ADAM17: variants seen among roughly 807,000 people sequenced by gnomAD.
ADAM17 encodes the protein ADAM metallopeptidase domain 17.
Under a neutral mutation model 96.7 loss-of-function variants are expected in ADAM17, and 39 were observed. The observed-to-expected ratio is 0.40, with a 90% CI of 0.31 to 0.53. ADAM17 has a LOEUF of 0.53. Ranked by LOEUF, ADAM17 falls within the 20% of genes least tolerant of loss-of-function variation. The pLI, the probability that ADAM17 is intolerant of heterozygous loss-of-function variation, is 0.44. For missense variants in ADAM17, 777 were observed against 1,013.2 expected (o/e 0.77, Z 3.17); for synonymous variants, 344 against 359.2 (o/e 0.96, Z 0.48).
Position 9,536,679 on chromosome 2 carries a change from C to T in ADAM17, c.361+19G>A. On this transcript the variant is annotated intron_variant, in intron 3 of 18. Transcript: ENST00000310823. ...TAATACACCAGACACAGGGGCAAAC[C>T]AACAAGCTCCATACTAACCAACCAC... The T allele has an allele frequency of 6.2e-7, 1 of 1,612,800 alleles. No homozygotes were observed. Among genetic ancestry groups the T allele is most frequent in the Non-Finnish European group, 8.5e-7 (1 of 1,179,464 alleles).
At chr2:9,490,553 T>TA (rs1662049691) in intron 18 of ADAM17, 35 bp from the exon 19 acceptor site, 2 of 1,575,424 alleles carry the variant, frequency 1.3e-6, no homozygotes, top group Middle Eastern at 1.9e-4. Context: ...TTGATAGGAA[T>TA]AAAAGATGAA....
intron 10 of ADAM17, among the ~76,000 whole-genome samples, chr2:9,516,583 T>A (rs1259439067): frequency 6.6e-6 from 1 of 151,962 alleles, no homozygotes; most frequent in African/African-American, 2.4e-5. Flanking sequence ...AAACCCTGTC[T>A]CTAAAACAAA....
rs544176196 is a variant in ADAM17, at chr2:9,531,178, G to A, written c.451-3224C>T. On this transcript the variant is annotated intron_variant, in intron 4 of 18. Transcript: ENST00000310823. The stretch of plus-strand genomic sequence containing the variant: ...TCACCATGTTGGCCAGGCTGGCCTC[G>A]AACTCCTGGCCTGAAGTGATCCACC... 1.2e-3 allele frequency among the ~76,000 whole-genome samples: 177 copies of A among 152,002 alleles called. 1 individual carries two copies. Among genetic ancestry groups the A allele is most frequent in the Admixed American group, 1.6e-3 (25 of 15,278 alleles).
chr2:9,518,015 A>C lies in ADAM17; in HGVS notation c.1103-26T>G, dbSNP rs201656510. The C allele has an allele frequency of 4.4e-6, 7 of 1,581,274 alleles. No individual in the cohort carries two copies. The East Asian group carries it at 1.6e-4, about 36-fold the overall frequency. ...CTAAAGTCAAAAGGAAACAGAGATA[A>C]ATTGCTTATTAAATACAGAATTATA... On this transcript the variant is annotated intron_variant, in intron 9 of 18. Coordinates refer to ENST00000310823, the MANE Select transcript of ADAM17 (RefSeq NM_003183.6).
chr2:9,523,183 A>G, intron 7 of ADAM17, 66 bp downstream of exon 7: 1 of 1,255,752 alleles, frequency 8.0e-7, no homozygotes, highest in Non-Finnish European at 1.1e-6. Flanking sequence ...TTAGGTTTTG[A>G]ATACAAGTGA....
intron 12 of ADAM17, among the ~76,000 whole-genome samples, chr2:9,504,156 G>T (rs540492239): frequency 6.6e-6 from 1 of 151,812 alleles, no homozygotes; most frequent in African/African-American, 2.4e-5. Context: ...GTCTCAAAAA[G>T]AAAATAAAGG....
At chr2:9,519,515 A>G (rs968663106) in intron 8 of ADAM17, among the ~76,000 whole-genome samples, 7 of 152,308 alleles carry the variant, frequency 4.6e-5, no homozygotes, top group Non-Finnish European at 8.8e-5. Context: ...ATGACTAATC[A>G]GACAAGTCAT....
chr2:9,506,400 C>G (rs888668956), intron 11 of ADAM17, among the ~76,000 whole-genome samples: 1 of 118,244 alleles, frequency 8.5e-6, no homozygotes. Flanking sequence ...TGGAGTCTTG[C>G]TCTGTCACCA....
rs149899785 is a variant in ADAM17, at chr2:9,536,765, C to A, written c.294G>T (p.Val98=). 4 of 1,613,946 alleles carry A rather than the reference C, an allele frequency of 2.5e-6. No individual in the cohort carries two copies. Among genetic ancestry groups the A allele is most frequent in the Non-Finnish European group, 3.4e-6 (4 of 1,179,982 alleles). ...ACTCGCTTTCGTTTTTACCATCCACCACCACGACCTTGAAATTTTGTGAAA... is the reference window on the plus strand; with the variant it reads ...ACTCGCTTTCGTTTTTACCATCCACAACCACGACCTTGAAATTTTGTGAAA... ...ERFSQNFKVV[V]VDGKNESEYT... Residue 98 remains valine (V), a synonymous_variant, in exon 3 of 19, where the codon GTG becomes GTT. Transcript: ENST00000310823.
intron 1 of ADAM17, 79 bp downstream of exon 1, chr2:9,555,430 T>C: frequency 7.8e-7 from 1 of 1,275,328 alleles, no homozygotes; most frequent in East Asian, 2.7e-5. Context: ...CCCAAACACC[T>C]GATAGACCCA....
At chr2:9,546,551 C>A (rs1429645472) in intron 1 of ADAM17, among the ~76,000 whole-genome samples, 1 of 152,122 alleles carries the variant, frequency 6.6e-6, no homozygotes, top group Non-Finnish European at 1.5e-5. Flanking sequence ...GGCTTTACAA[C>A]AGAATTTATA....
chr2:9,546,003 C>T (rs1340771688), intron 1 of ADAM17, among the ~76,000 whole-genome samples: 7 of 150,672 alleles, frequency 4.6e-5, no homozygotes, highest in Non-Finnish European at 8.8e-5. Flanking sequence ...AAGGTTCAGG[C>T]GGGAGGATCA....
At chr2:9,527,070 C>G (rs1664560107) in intron 5 of ADAM17, among the ~76,000 whole-genome samples, 1 of 152,106 alleles carries the variant, frequency 6.6e-6, no homozygotes, top group Non-Finnish European at 1.5e-5. Context: ...CGCCTGTAAT[C>G]CCAACACTTT....
In ADAM17 at chr2:9,508,643, TAC is replaced by T. The variant is rs1366254494; in HGVS notation, c.1344+1334_1344+1335del. 1.2e-4 allele frequency among the ~76,000 whole-genome samples: 19 copies of T among 152,306 alleles called. No individual in the cohort carries two copies. The East Asian group carries it at 2.3e-3, about 19-fold the overall frequency. ...TTAAAAATTTAAATAAAATAGAATT[TAC>T]AATTCAGTTCCTCAGTTTCTAGCCA... is the stretch of plus-strand genomic sequence containing the variant. On this transcript the variant is annotated intron_variant, in intron 11 of 18. Coordinates refer to ENST00000310823, the MANE Select transcript of ADAM17 (RefSeq NM_003183.6).
chr2:9,550,590 C>T (rs1665558710), intron 1 of ADAM17, among the ~76,000 whole-genome samples: 1 of 151,780 alleles, frequency 6.6e-6, no homozygotes, highest in East Asian at 2.0e-4. Flanking sequence ...GGATTACAGG[C>T]ACGCACCACC....
intron 1 of ADAM17, among the ~76,000 whole-genome samples, chr2:9,554,886 G>T (rs1665693893): frequency 1.3e-5 from 2 of 152,076 alleles, no homozygotes; most frequent in African/African-American, 2.4e-5. Flanking sequence ...AGCATCACGA[G>T]TTGGCTTACC....
chr2:9,548,319 G>A (rs1238972607), intron 1 of ADAM17, among the ~76,000 whole-genome samples: 1 of 152,078 alleles, frequency 6.6e-6, no homozygotes, highest in African/African-American at 2.4e-5. Flanking sequence ...GTGACAGAGT[G>A]AGACTCCATC....
rs753415769 is a variant in ADAM17 at position 9,526,252 on chromosome 2, G to GA, written c.620-9dup. Reference sequence around the variant, plus strand: ...TCACTCGATGAACAAGCTCTAATATGAATTTGTATGCACTATTAAATCAAA... The same window carrying GA: ...TCACTCGATGAACAAGCTCTAATATGAAATTTGTATGCACTATTAAATCAAA... On this transcript the variant is annotated splice_polypyrimidine_tract_variant and intron_variant, in intron 5 of 18. Transcript: ENST00000310823. 1.2e-6 allele frequency: 2 copies of GA among 1,611,228 alleles called. No individual in the cohort carries two copies. The highest frequency in any genetic ancestry group is 4.5e-5 in the East Asian group (2 of 44,832).
At chr2:9,514,670 G>A (rs1663964433) in intron 10 of ADAM17, among the ~76,000 whole-genome samples, 1 of 149,936 alleles carries the variant, frequency 6.7e-6, no homozygotes, top group Non-Finnish European at 1.5e-5. Flanking sequence ...TCAGGAGATT[G>A]AGACCATCCT....
Sources: gnomAD v4.1 joint callset for allele counts (sites outside exome capture counted in the v4.1 genomes callset) on GRCh38, gnomAD v4.1.1 for gene constraint, MANE v1.5 for transcripts, NCBI Gene and HGNC (gene_info 2026-07-23, HGNC 2026-07-21) for gene names.